The following KLHL1 variants were observed in gnomAD, a reference collection of about 807,000 sequenced individuals.
KLHL1 encodes the protein kelch like family member 1.
In KLHL1, 47 loss-of-function variants were observed where a neutral mutation model predicts 77.7. The ratio of observed to expected loss-of-function variants is 0.60; its 90% CI spans 0.48 to 0.77. The LOEUF (loss-of-function observed/expected upper bound fraction) is 0.77. Ranked by LOEUF, KLHL1 falls within the 30% of genes least tolerant of loss-of-function variation. KLHL1 has a pLI of 0.00. For missense variants in KLHL1, 925 were observed against 910.8 expected (o/e 1.02, Z -0.20); for synonymous variants, 360 against 325.2 (o/e 1.11, Z -1.15).
intron 1 of KLHL1, among the ~76,000 whole-genome samples, chr13:70,099,542 T>A (rs1333134196): frequency 1.3e-5 from 2 of 151,940 alleles, no homozygotes; most frequent in African/African-American, 2.4e-5. Context: ...TTGGGCCATA[T>A]AACAAACTCA....
intron 7 of KLHL1, among the ~76,000 whole-genome samples, chr13:69,742,651 CACAATTAT>C (rs1192447686): frequency 6.6e-6 from 1 of 152,140 alleles, no homozygotes; most frequent in Non-Finnish European, 1.5e-5. Context: ...ACACATATTA[CACAATTAT>C]ACAATTATAA....
intron 1 of KLHL1, among the ~76,000 whole-genome samples, 158 bp from the exon 2 acceptor site, chr13:69,975,960 G>A (rs1884534248): frequency 6.6e-6 from 1 of 151,884 alleles, no homozygotes; most frequent in Non-Finnish European, 1.5e-5. Flanking sequence ...ATAAATAAAA[G>A]TCGAATAATC....
chr13:69,956,517 T>C (rs1416020389), intron 3 of KLHL1, among the ~76,000 whole-genome samples: 3 of 151,422 alleles, frequency 2.0e-5, no homozygotes, highest in Admixed American at 6.6e-5. Context: ...CAGTTTAAGC[T>C]ACTCAAACTA....
At chr13:69,772,845 T>C (rs1258031197) in intron 7 of KLHL1, among the ~76,000 whole-genome samples, 1 of 152,174 alleles carries the variant, frequency 6.6e-6, no homozygotes, top group Non-Finnish European at 1.5e-5. Context: ...TTAATAAACA[T>C]CAATATGAGA....
chr13:69,980,318 C>T (rs1884669603), intron 1 of KLHL1, among the ~76,000 whole-genome samples: 1 of 152,030 alleles, frequency 6.6e-6, no homozygotes, highest in African/African-American at 2.4e-5. Flanking sequence ...TACTTTATGA[C>T]CTACCTACTT....
chr13:69,780,719 T>TATATATATATAC (rs1876123745), intron 7 of KLHL1, among the ~76,000 whole-genome samples: 2 of 59,626 alleles, frequency 3.4e-5, no homozygotes, highest in African/African-American at 1.3e-4. Flanking sequence ...TATATATGTA[T>TATATATATATAC]ATATATATAT....
At chr13:69,880,041 T>C (rs1880927052) in intron 5 of KLHL1, among the ~76,000 whole-genome samples, 1 of 152,192 alleles carries the variant, frequency 6.6e-6, no homozygotes, top group East Asian at 1.9e-4. Flanking sequence ...TATTTTATGA[T>C]CTTCCAGGTT....
At chr13:69,821,339 G>A (rs1878328142) in intron 6 of KLHL1, among the ~76,000 whole-genome samples, 1 of 151,286 alleles carries the variant, frequency 6.6e-6, no homozygotes, top group Non-Finnish European at 1.5e-5. Flanking sequence ...TTTTGAGATA[G>A]AGTCTCACTC....
At chr13:69,721,602 C>T (rs1051732153) in intron 8 of KLHL1, among the ~76,000 whole-genome samples, 1 of 151,954 alleles carries the variant, frequency 6.6e-6, no homozygotes, top group Non-Finnish European at 1.5e-5. Flanking sequence ...GACAGTATTA[C>T]TTAGCATAAA....
intron 1 of KLHL1, among the ~76,000 whole-genome samples, chr13:70,104,406 T>G (rs926269439): frequency 3.3e-5 from 5 of 152,292 alleles, no homozygotes; most frequent in South Asian, 2.1e-4. Context: ...AAGTCTATGA[T>G]AATTTGACCT....
chr13:69,973,682 T>C (rs189747494), intron 2 of KLHL1, among the ~76,000 whole-genome samples: 82 of 152,158 alleles, frequency 5.4e-4, no homozygotes, highest in African/African-American at 1.9e-3. Context: ...ATCAGTAAAG[T>C]AGTATCAAAT....
chr13:69,965,860 G>C (rs775169445), intron 2 of KLHL1, among the ~76,000 whole-genome samples: 16 of 152,134 alleles, frequency 1.1e-4, no homozygotes, highest in Non-Finnish European at 2.4e-4. Context: ...GCCTAATCCA[G>C]AGTAAGGCCC....
chr13:69,753,793 G>A (rs1476877827), intron 7 of KLHL1, among the ~76,000 whole-genome samples: 1 of 151,896 alleles, frequency 6.6e-6, no homozygotes, highest in Non-Finnish European at 1.5e-5. Context: ...ACCAATATTA[G>A]CATCTTGACA....
chr13:69,876,282 T>C (rs1880760445), intron 5 of KLHL1, among the ~76,000 whole-genome samples: 1 of 152,200 alleles, frequency 6.6e-6, no homozygotes, highest in South Asian at 2.1e-4. Flanking sequence ...AAATCAGATG[T>C]TTTAGTTGTA....
intron 1 of KLHL1, among the ~76,000 whole-genome samples, chr13:70,007,387 T>C (rs764872123): frequency 1.1e-4 from 17 of 151,866 alleles, no homozygotes; most frequent in Admixed American, 2.0e-4. Flanking sequence ...TATATATTGA[T>C]ACACATTATT....
intron 1 of KLHL1, among the ~76,000 whole-genome samples, chr13:70,045,270 C>A (rs969413782): frequency 6.6e-6 from 1 of 152,106 alleles, no homozygotes; most frequent in Non-Finnish European, 1.5e-5. Flanking sequence ...ATACATTAAG[C>A]ACAAATACAT....
chr13:69,998,353 G>A (rs905697559), intron 1 of KLHL1, among the ~76,000 whole-genome samples: 2 of 151,976 alleles, frequency 1.3e-5, no homozygotes, highest in African/African-American at 4.8e-5. Flanking sequence ...CACAATGGGA[G>A]CTCCCATTGT....
intron 1 of KLHL1, among the ~76,000 whole-genome samples, chr13:70,102,794 TAA>T (rs1887955808): frequency 6.6e-6 from 1 of 152,236 alleles, no homozygotes; most frequent in Non-Finnish European, 1.5e-5. Context: ...CTTACGCATA[TAA>T]ATATTCAACA....
At chr13:69,852,919 G>T (rs1397406344) in intron 5 of KLHL1, among the ~76,000 whole-genome samples, 2 of 151,924 alleles carry the variant, frequency 1.3e-5, no homozygotes, top group African/African-American at 2.4e-5. Context: ...ATAGAATTTA[G>T]AATGTGTCAA....
Sources: allele counts gnomAD v4.1 joint callset (sites outside exome capture counted in the v4.1 genomes callset), GRCh38; gene constraint gnomAD v4.1.1; transcripts MANE v1.5; gene names NCBI Gene and HGNC (gene_info 2026-07-23, HGNC 2026-07-21).